The following SGCZ variants were observed in gnomAD, a reference collection of about 807,000 sequenced individuals.
SGCZ encodes the protein zeta-sarcoglycan.
In SGCZ, 40 loss-of-function variants were observed where a neutral mutation model predicts 41.3. The observed-to-expected ratio is 0.97, with a 90% CI of 0.75 to 1.26. The LOEUF (loss-of-function observed/expected upper bound fraction) is 1.26, where lower values mean the gene tolerates loss of function less well. SGCZ is among the 50% of genes most tolerant of loss of function. The pLI is 0.00. For synonymous variants in SGCZ, 206 were observed against 137.5 expected, an observed-to-expected ratio of 1.50 and a Z score of -3.49; for missense variants, 552 against 369.8, an observed-to-expected ratio of 1.49 and a Z score of -4.04.
chr8:14,151,310 A>G (rs1482050890), intron 5 of SGCZ, among the ~76,000 whole-genome samples: 1 of 152,062 alleles, frequency 6.6e-6, no homozygotes, highest in African/African-American at 2.4e-5. Context: ...ACTATATGCC[A>G]AAGAAATTAA....
intron 1 of SGCZ, among the ~76,000 whole-genome samples, chr8:15,001,627 G>C (rs1301872555): frequency 6.6e-6 from 1 of 151,434 alleles, no homozygotes; most frequent in Non-Finnish European, 1.5e-5. Flanking sequence ...TACTCGGGAG[G>C]CTGAGGGAGG....
At chr8:15,042,600 T>C (rs1029097812) in intron 1 of SGCZ, among the ~76,000 whole-genome samples, 4 of 152,226 alleles carry the variant, frequency 2.6e-5, no homozygotes, top group Admixed American at 1.3e-4. Context: ...TGATATGGGT[T>C]AATACATGTT....
chr8:14,567,550 C>G (rs1390250262), intron 1 of SGCZ, among the ~76,000 whole-genome samples: 1 of 152,098 alleles, frequency 6.6e-6, no homozygotes, highest in East Asian at 1.9e-4. Context: ...GTAACATGGA[C>G]CAATCAGCAG....
chr8:14,157,393 T>TGTGC (rs1473610543), intron 5 of SGCZ, among the ~76,000 whole-genome samples: 1 of 149,424 alleles, frequency 6.7e-6, no homozygotes, highest in African/African-American at 2.5e-5. Flanking sequence ...TGTGTGTGTG[T>TGTGC]ATGCTCAGCC....
At chr8:14,869,092 G>T (rs550576282) in intron 1 of SGCZ, among the ~76,000 whole-genome samples, 4 of 152,038 alleles carry the variant, frequency 2.6e-5, no homozygotes, top group African/African-American at 9.7e-5. Flanking sequence ...AATTTATGAG[G>T]CCAGCATCAT....
intron 2 of SGCZ, among the ~76,000 whole-genome samples, chr8:14,542,762 T>C (rs376782721): frequency 1.3e-5 from 2 of 152,088 alleles, no homozygotes; most frequent in African/African-American, 4.8e-5. Context: ...TTATTTTGGG[T>C]TGTTATCATG....
At chr8:14,321,395 G>A (rs1277210053) in intron 3 of SGCZ, among the ~76,000 whole-genome samples, 3 of 151,978 alleles carry the variant, frequency 2.0e-5, no homozygotes, top group Non-Finnish European at 4.4e-5. Flanking sequence ...ATGGAGAGAG[G>A]GTGAGAGGAG....
At chr8:14,885,350 C>T (rs1167324109) in intron 1 of SGCZ, among the ~76,000 whole-genome samples, 1 of 152,092 alleles carries the variant, frequency 6.6e-6, no homozygotes, top group Non-Finnish European at 1.5e-5. Flanking sequence ...TATTATCTAC[C>T]TATTTGTTAT....
chr8:14,128,574 C>T (rs1033433028), intron 5 of SGCZ, among the ~76,000 whole-genome samples: 3 of 152,082 alleles, frequency 2.0e-5, no homozygotes, highest in South Asian at 2.1e-4. Context: ...GAAAGTAAAT[C>T]ATTTTATCAA....
chr8:14,267,743 G>A (rs1021705836), intron 3 of SGCZ, among the ~76,000 whole-genome samples: 1 of 151,956 alleles, frequency 6.6e-6, no homozygotes, highest in African/African-American at 2.4e-5. Context: ...GTAGTGTGAG[G>A]AGTTTGGGCT....
chr8:14,352,635 C>T (rs964782532), intron 2 of SGCZ, among the ~76,000 whole-genome samples: 2 of 152,046 alleles, frequency 1.3e-5, no homozygotes, highest in South Asian at 4.1e-4. Flanking sequence ...GGGTAACAAG[C>T]CCGTAGAGCT....
chr8:14,465,587 T>C (rs1207143739), intron 2 of SGCZ, among the ~76,000 whole-genome samples: 1 of 151,772 alleles, frequency 6.6e-6, no homozygotes. Context: ...TTTCTTGTAT[T>C]ACTGTATCTT....
At chr8:15,204,662 T>G (rs76530994) in intron 1 of SGCZ, among the ~76,000 whole-genome samples, 8,294 of 152,252 alleles carry the variant, frequency 0.054, 258 homozygotes, top group South Asian at 0.074. Context: ...AAGACTCATC[T>G]CAAGTCCTGC....
chr8:14,149,815 T>C (rs576950267), intron 5 of SGCZ, among the ~76,000 whole-genome samples: 2 of 152,122 alleles, frequency 1.3e-5, no homozygotes, highest in Admixed American at 1.3e-4. Context: ...CATGGTATTC[T>C]CATAAAAACA....
At chr8:14,173,356 C>T (rs533944798) in intron 4 of SGCZ, among the ~76,000 whole-genome samples, 39 of 151,404 alleles carry the variant, frequency 2.6e-4, no homozygotes, top group Non-Finnish European at 4.4e-4. Context: ...TAAAGGAAGA[C>T]GGACATAATG....
chr8:14,411,326 A>G (rs76789918), intron 2 of SGCZ, among the ~76,000 whole-genome samples: 1,552 of 152,290 alleles, frequency 0.01, 34 homozygotes, highest in African/African-American at 0.035. Flanking sequence ...ATTCGTATAG[A>G]AACCATTGTT....
intron 1 of SGCZ, among the ~76,000 whole-genome samples, chr8:15,033,422 C>T (rs999048874): frequency 4.0e-5 from 6 of 151,674 alleles, no homozygotes; most frequent in Non-Finnish European, 8.8e-5. Flanking sequence ...AGGCTCCATG[C>T]CTATTCCAGA....
chr8:14,787,745 C>T (rs758235041), intron 1 of SGCZ, among the ~76,000 whole-genome samples: 1 of 151,962 alleles, frequency 6.6e-6, no homozygotes, highest in Non-Finnish European at 1.5e-5. Context: ...ACTTGGGAGA[C>T]AGAGGCAGGA....
intron 1 of SGCZ, among the ~76,000 whole-genome samples, chr8:14,737,831 T>A (rs1400727606): frequency 6.6e-6 from 1 of 152,160 alleles, no homozygotes; most frequent in Non-Finnish European, 1.5e-5. Flanking sequence ...ATTGAGGCAC[T>A]ATGAGTTAGG....
Sources: gnomAD v4.1 joint callset for allele counts (sites outside exome capture counted in the v4.1 genomes callset) on GRCh38, gnomAD v4.1.1 for gene constraint, MANE v1.5 for transcripts, NCBI Gene and HGNC (gene_info 2026-07-23, HGNC 2026-07-21) for gene names.